The following SLC4A1AP variants were observed in gnomAD, a reference collection of about 807,000 sequenced individuals.
The protein encoded by SLC4A1AP is kanadaptin.
SLC4A1AP carries 64 observed loss-of-function variants against 89.7 expected under a neutral mutation model. That is an observed-to-expected ratio of 0.71 (90% CI 0.58 to 0.88). The LOEUF (loss-of-function observed/expected upper bound fraction) is 0.88, where lower values mean the gene tolerates loss of function less well. SLC4A1AP is among the 40% of genes least tolerant of loss of function. The pLI, the probability that SLC4A1AP is intolerant of heterozygous loss-of-function variation, is 0.00. For missense variants in SLC4A1AP, 931 were observed against 965.0 expected, an observed-to-expected ratio of 0.96 and a Z score of 0.47; for synonymous variants, 366 against 353.3, an observed-to-expected ratio of 1.04 and a Z score of -0.40.
chr2:27,678,711 A>G (rs1242261947), intron 8 of SLC4A1AP, among the ~76,000 whole-genome samples: 1 of 149,736 alleles, frequency 6.7e-6, no homozygotes, highest in African/African-American at 2.5e-5. Flanking sequence ...AAATACTACA[A>G]CCTAATACCT....
chr2:27,683,226 T>C (rs1223839234), intron 9 of SLC4A1AP, among the ~76,000 whole-genome samples: 2 of 152,236 alleles, frequency 1.3e-5, no homozygotes, highest in Non-Finnish European at 2.9e-5. Flanking sequence ...ATTTCCCTGC[T>C]ACCCTACAAT....
At chr2:27,670,020 T>TTTCTAAGAACAA (rs1675396338) in intron 5 of SLC4A1AP, among the ~76,000 whole-genome samples, 1 of 152,030 alleles carries the variant, frequency 6.6e-6, no homozygotes, top group African/African-American at 2.4e-5. Flanking sequence ...TGCACCACCA[T>TTTCTAAGAACAA]GCCTGGCTCA....
chr2:27,671,896 CTCTTCTG>C (rs1675432313), intron 5 of SLC4A1AP, among the ~76,000 whole-genome samples: 1 of 152,178 alleles, frequency 6.6e-6, no homozygotes, highest in Admixed American at 6.5e-5. Flanking sequence ...ATTAATCCTT[CTCTTCTG>C]AAAATATAAT....
chr2:27,672,082 G>A (rs926807113), intron 5 of SLC4A1AP, among the ~76,000 whole-genome samples: 1 of 152,114 alleles, frequency 6.6e-6, no homozygotes, highest in African/African-American at 2.4e-5. Flanking sequence ...GCTTGTAAGA[G>A]TTTCCCTTTG....
chr2:27,692,379 A>G (rs375633502), intron 12 of SLC4A1AP: 1 of 152,168 alleles, frequency 6.6e-6, no homozygotes. Flanking sequence ...TATGATTTCA[A>G]TTTTTTTAAA....
At chr2:27,675,467 T>A in intron 5 of SLC4A1AP, 65 bp from the exon 6 acceptor site, 1 of 1,195,424 alleles carries the variant, frequency 8.4e-7, no homozygotes, top group South Asian at 1.7e-5. Flanking sequence ...CCTTGCCTAC[T>A]TGCCTTCTTT....
At chr2:27,686,254 C>T (rs1348782991) in intron 10 of SLC4A1AP, among the ~76,000 whole-genome samples, 2 of 152,180 alleles carry the variant, frequency 1.3e-5, no homozygotes, top group Admixed American at 6.5e-5. Flanking sequence ...ACTGTTTCCT[C>T]ATCTGTGAGA....
intron 8 of SLC4A1AP, among the ~76,000 whole-genome samples, chr2:27,681,289 T>G (rs1381600511): frequency 1.3e-5 from 2 of 152,096 alleles, no homozygotes; most frequent in Non-Finnish European, 2.9e-5. Flanking sequence ...GTTTTATCTC[T>G]GGTAGGGAGA....
intron 3 of SLC4A1AP, among the ~76,000 whole-genome samples, chr2:27,668,315 A>T (rs1396735605): frequency 6.6e-6 from 1 of 151,652 alleles, no homozygotes; most frequent in Non-Finnish European, 1.5e-5. Flanking sequence ...CGCCCGGCTA[A>T]TTTTTTTTGT....
At chr2:27,682,947 C>T (rs1675644999) in intron 9 of SLC4A1AP, among the ~76,000 whole-genome samples, 1 of 152,152 alleles carries the variant, frequency 6.6e-6, no homozygotes, top group Non-Finnish European at 1.5e-5. Flanking sequence ...ATGAATGTTG[C>T]ATTTAAGAAT....
chr2:27,668,172 G>A (rs1405298502), intron 3 of SLC4A1AP, among the ~76,000 whole-genome samples: 3 of 150,362 alleles, frequency 2.0e-5, no homozygotes, highest in Admixed American at 6.6e-5. Context: ...TTTTTGAGAC[G>A]GAGTCTCGCT....
At chr2:27,673,436 C>G (rs1343616756) in intron 5 of SLC4A1AP, among the ~76,000 whole-genome samples, 1 of 109,802 alleles carries the variant, frequency 9.1e-6, no homozygotes, top group Non-Finnish European at 1.9e-5. Context: ...CCCTCCCTCC[C>G]TCCCTCCCTT....
At position 27,665,286 on chromosome 2, in the gene SLC4A1AP, TG is replaced by T; in HGVS notation, c.1016del (p.Gly339GlufsTer7). On this transcript the variant is annotated frameshift_variant, in exon 2 of 14. Transcript: ENST00000613058. LOFTEE classifies it high-confidence loss of function. ...CCAAGATGATGAGATGGGTTGCACC[TG>T]GGGAATGGGTAAGAAATTAAAATTG... The T allele has an allele frequency of 1.3e-6, 2 of 1,599,816 alleles. No individual in the cohort carries two copies. Among genetic ancestry groups the T allele is most frequent in the African/African-American group, 1.4e-5 (1 of 74,038 alleles).
chr2:27,677,443 A>G, intron 7 of SLC4A1AP, 79 bp downstream of exon 7: 3 of 949,114 alleles, frequency 3.2e-6, no homozygotes, highest in Non-Finnish European at 5.0e-6. Flanking sequence ...TTAGTTAATA[A>G]GAAATACCAT....
At chr2:27,682,256 C>G in exon 9 of SLC4A1AP, 1 of 1,610,448 alleles carries the variant, frequency 6.2e-7, no homozygotes. Context: ...AGGACTGAAA[C>G]TCAGACTACA....
chr2:27,684,396 C>G (rs1675671427), intron 9 of SLC4A1AP, among the ~76,000 whole-genome samples: 1 of 150,780 alleles, frequency 6.6e-6, no homozygotes, highest in Non-Finnish European at 1.5e-5. Context: ...CCACTGCACT[C>G]CAGCTTGGGC....
intron 1 of SLC4A1AP, 84 bp from the exon 2 acceptor site, chr2:27,665,016 C>A: frequency 9.3e-7 from 1 of 1,071,096 alleles, no homozygotes; most frequent in South Asian, 1.6e-5. Context: ...GTATTACAGC[C>A]ACTGCACTCC....
chr2:27,677,409 T>TAGCATAGAGCA, intron 7 of SLC4A1AP, 45 bp downstream of exon 7: 1 of 1,308,088 alleles, frequency 7.6e-7, no homozygotes, highest in Non-Finnish European at 1.1e-6. Context: ...CATATAGTGC[T>TAGCATAGAGCA]CTATGCTAGG....
At chr2:27,665,590 A>G (rs1230902296) in intron 2 of SLC4A1AP, among the ~76,000 whole-genome samples, 1 of 152,226 alleles carries the variant, frequency 6.6e-6, no homozygotes, top group Non-Finnish European at 1.5e-5. Flanking sequence ...TTTTATATTT[A>G]TTAAGTACTG....
Sources: allele counts gnomAD v4.1 joint callset (sites outside exome capture counted in the v4.1 genomes callset), GRCh38; gene constraint gnomAD v4.1.1; transcripts MANE v1.5; gene names NCBI Gene and HGNC (gene_info 2026-07-23, HGNC 2026-07-21).